Variants in ZNF735 observed in about 807,000 individuals in gnomAD.
The protein encoded by ZNF735 is zinc finger protein 735.
A neutral mutation model predicts 13.4 loss-of-function variants in ZNF735; 11 were observed. That is an observed-to-expected ratio of 0.82 (90% CI 0.52 to 1.36). The LOEUF (loss-of-function observed/expected upper bound fraction) is 1.36, where lower values mean the gene tolerates loss of function less well. Ranked by LOEUF, ZNF735 falls within the 40% of genes most tolerant of loss-of-function variation. The pLI is 0.00. For missense variants in ZNF735, 500 were observed against 484.6 expected (o/e 1.03, Z -0.30); for synonymous variants, 171 against 162.6 (o/e 1.05, Z -0.39).
chr7:64,218,257 T>C (rs1323910632), intron 3 of ZNF735, among the ~76,000 whole-genome samples: 1 of 152,024 alleles, frequency 6.6e-6, no homozygotes, highest in Non-Finnish European at 1.5e-5. Flanking sequence ...TTTTCTGACC[T>C]GAAATGTTTC....
At position 64,207,257 on chromosome 7, in the gene ZNF735, G is replaced by GT. The variant is rs1233119580; in HGVS notation, c.39+17dup. 2 of 1,614,170 alleles carry GT rather than the reference G, an allele frequency of 1.2e-6. No homozygotes were observed. Reference sequence around the variant, plus strand: ...CCGAGAAATGGTGAGTGCTGGGTCTGTCATCGTGAGAGAGGGGTGGGAGGT... The same window carrying GT: ...CCGAGAAATGGTGAGTGCTGGGTCTGTTCATCGTGAGAGAGGGGTGGGAGGT... On this transcript the variant is annotated intron_variant, in intron 1 of 3. Transcript: ENST00000429565.
intron 1 of ZNF735, among the ~76,000 whole-genome samples, chr7:64,208,497 T>C (rs1326069381): frequency 1.3e-5 from 2 of 152,236 alleles, no homozygotes; most frequent in Middle Eastern, 3.4e-3. Context: ...CCTCAGGTGA[T>C]CTGCCTGCCT....
chr7:64,220,084 A>G (rs1175436083), exon 4 of ZNF735: 2 of 1,613,588 alleles, frequency 1.2e-6, no homozygotes, highest in East Asian at 2.2e-5. Flanking sequence ...GACACATAAG[A>G]TAATTCATAC....
chr7:64,209,395 G>A (rs1238465897), intron 1 of ZNF735, among the ~76,000 whole-genome samples: 2 of 150,478 alleles, frequency 1.3e-5, no homozygotes, highest in Non-Finnish European at 2.9e-5. Context: ...CGCCCAGGCT[G>A]GAGTGCAGTG....
chr7:64,215,490 C>T (rs567461869), intron 3 of ZNF735, among the ~76,000 whole-genome samples: 70 of 152,016 alleles, frequency 4.6e-4, no homozygotes, highest in African/African-American at 1.6e-3. Flanking sequence ...GTGACACTGT[C>T]ACTCTATTAA....
chr7:64,211,150 T>C (rs1459421636), intron 1 of ZNF735, among the ~76,000 whole-genome samples: 1 of 152,234 alleles, frequency 6.6e-6, no homozygotes, highest in African/African-American at 2.4e-5. Flanking sequence ...TTTTTCTATA[T>C]GCTGTAGCGT....
intron 3 of ZNF735, among the ~76,000 whole-genome samples, chr7:64,214,396 A>C (rs1348804676): frequency 1.3e-5 from 2 of 152,146 alleles, no homozygotes; most frequent in Non-Finnish European, 2.9e-5. Flanking sequence ...GGACTGCACA[A>C]ACTGACTACT....
intron 1 of ZNF735, among the ~76,000 whole-genome samples, chr7:64,210,142 A>G (rs1158119167): frequency 1.3e-5 from 2 of 152,238 alleles, no homozygotes; most frequent in African/African-American, 4.8e-5. Flanking sequence ...TGTTATTCCC[A>G]GCACAGTGTT....
intron 3 of ZNF735, among the ~76,000 whole-genome samples, chr7:64,215,650 T>C (rs1398751966): frequency 7.2e-6 from 1 of 139,368 alleles, no homozygotes; most frequent in Non-Finnish European, 1.6e-5. Context: ...TCTAAGAGTT[T>C]CATTTTTTTT....
chr7:64,214,062 A>G (rs1314087792), exon 3 of ZNF735: 4 of 1,600,638 alleles, frequency 2.5e-6, no homozygotes, highest in African/African-American at 2.7e-5. Context: ...AGCAAAATAA[A>G]GAGCCCCAGA....
intron 3 of ZNF735, 88 bp from the exon 4 acceptor site, chr7:64,219,226 A>C: frequency 1.3e-6 from 2 of 1,496,438 alleles, no homozygotes. Flanking sequence ...TTGCTAATGT[A>C]CCTTGAACAA....
exon 2 of ZNF735, chr7:64,213,149 C>G (rs1201367719): frequency 6.2e-7 from 1 of 1,613,064 alleles, no homozygotes; most frequent in Non-Finnish European, 8.5e-7. Context: ...GTGGCAATGC[C>G]TGGATCATGC....
chr7:64,219,368 C>CACTCCAAAAAGTAAT, exon 4 of ZNF735: 1 of 1,613,782 alleles, frequency 6.2e-7, no homozygotes, highest in Non-Finnish European at 8.5e-7. Flanking sequence ...ATAAAAGATT[C>CACTCCAAAAAGTAAT]ACTCCAAAAA....
At chr7:64,207,214 A>T in exon 1 of ZNF735, 2 of 1,613,994 alleles carry the variant, frequency 1.2e-6, no homozygotes, top group Non-Finnish European at 1.7e-6. Flanking sequence ...TGGCTAAAAG[A>T]CCGGGACCCC....
intron 2 of ZNF735, 39 bp downstream of exon 2, chr7:64,213,257 C>T (rs527359528): frequency 1.2e-5 from 18 of 1,538,320 alleles, no homozygotes; most frequent in South Asian, 1.1e-4. Flanking sequence ...AATATATTGC[C>T]GTTCTCTCTT....
At chr7:64,216,636 C>T (rs1470874508) in intron 3 of ZNF735, among the ~76,000 whole-genome samples, 1 of 150,782 alleles carries the variant, frequency 6.6e-6, no homozygotes, top group South Asian at 2.1e-4. Context: ...CAGGGTTTCT[C>T]ACTCTGTTGC....
intron 1 of ZNF735, among the ~76,000 whole-genome samples, chr7:64,208,376 C>T (rs1207930369): frequency 6.7e-6 from 1 of 149,836 alleles, no homozygotes; most frequent in Non-Finnish European, 1.5e-5. Context: ...CCTGCCTCAG[C>T]CTCCCGAGTA....
chr7:64,209,245 T>C, intron 1 of ZNF735, among the ~76,000 whole-genome samples: 1 of 152,136 alleles, frequency 6.6e-6, no homozygotes. Flanking sequence ...TTTTTTGACT[T>C]TTTAGTCTAA....
chr7:64,220,115 G>A (rs1272595832), exon 4 of ZNF735: 2 of 1,613,602 alleles, frequency 1.2e-6, no homozygotes, highest in Non-Finnish European at 8.5e-7. Context: ...CCCTACACAT[G>A]TGAAGAATGT....
Sources: allele counts gnomAD v4.1 joint callset (sites outside exome capture counted in the v4.1 genomes callset), GRCh38; gene constraint gnomAD v4.1.1; transcripts MANE v1.5; gene names NCBI Gene and HGNC (gene_info 2026-07-23, HGNC 2026-07-21).